Variants in CCDC171 observed in about 807,000 individuals in gnomAD.
CCDC171 encodes the protein coiled-coil domain containing 171.
In CCDC171, 177 loss-of-function variants were observed where a neutral mutation model predicts 168.2. The ratio of observed to expected loss-of-function variants is 1.05; its 90% CI spans 0.93 to 1.19. The LOEUF (loss-of-function observed/expected upper bound fraction) is 1.19. Ranked by LOEUF, CCDC171 falls within the 50% of genes most tolerant of loss-of-function variation. The pLI is 0.00. For missense variants in CCDC171, 1,991 were observed against 1,539.0 expected (o/e 1.29, Z -4.91); for synonymous variants, 687 against 540.8 (o/e 1.27, Z -3.75).
chr9:15,937,519 CATTGTATTTTAG>C (rs1310113211), intron 25 of CCDC171, among the ~76,000 whole-genome samples: 1 of 151,728 alleles, frequency 6.6e-6, no homozygotes, highest in Non-Finnish European at 1.5e-5. Flanking sequence ...GTTCCAATTC[CATTGTATTTTAG>C]ATGTCTAAAA....
At chr9:15,811,770 G>C (rs1001210639) in intron 21 of CCDC171, among the ~76,000 whole-genome samples, 5 of 152,114 alleles carry the variant, frequency 3.3e-5, no homozygotes, top group Non-Finnish European at 7.4e-5. Context: ...TAGTTACTTC[G>C]ATGATGGAGT....
the CCDC171 span, among the ~76,000 whole-genome samples, chr9:16,085,303 A>G: frequency 1.3e-5 from 2 of 152,248 alleles, no homozygotes; most frequent in East Asian, 1.9e-4. Context: ...TCAGAGAAGT[A>G]GAGTCTTACG....
Position 15,748,519 on chromosome 9 carries a change from C to G in CCDC171, c.2671+2888C>G, listed in dbSNP as rs570133455. The stretch of plus-strand genomic sequence containing the variant: ...GATGAGCAACCCCAAGACACATAAT[C>G]GATAGATTCACCAAAGTTGAAATGA... On this transcript the variant is annotated intron_variant, in intron 18 of 25. Coordinates refer to ENST00000380701, the MANE Select transcript of CCDC171 (RefSeq NM_173550.4). 5.3e-5 allele frequency among the ~76,000 whole-genome samples: 8 copies of G among 152,088 alleles called. No individual in the cohort carries two copies. In the South Asian group the frequency reaches 1.5e-3, roughly 28 times the overall value.
At chr9:15,673,567 A>G (rs2049286950) in intron 9 of CCDC171, among the ~76,000 whole-genome samples, 1 of 152,204 alleles carries the variant, frequency 6.6e-6, no homozygotes, top group Non-Finnish European at 1.5e-5. Context: ...AGGGCTATTG[A>G]GTTCTGTCAA....
intron 1 of CCDC171, among the ~76,000 whole-genome samples, chr9:15,558,960 A>G (rs912195453): frequency 6.6e-6 from 1 of 152,150 alleles, no homozygotes; most frequent in Non-Finnish European, 1.5e-5. Context: ...TTCAAAGAAC[A>G]TCTTTATTTC....
chr9:15,670,192 A>G (rs930419142), intron 9 of CCDC171, among the ~76,000 whole-genome samples: 2 of 152,136 alleles, frequency 1.3e-5, no homozygotes, highest in African/African-American at 2.4e-5. Context: ...TGTCCGCCAG[A>G]ATGCTCAACA....
chr9:16,095,875 T>C, the CCDC171 span, among the ~76,000 whole-genome samples: 18,482 of 131,778 alleles, frequency 0.14, 1,372 homozygotes, highest in African/African-American at 0.16. Flanking sequence ...GGCACATATA[T>C]ATATATATAT....
chr9:15,965,476 G>A (rs2132704233), intron 25 of CCDC171, among the ~76,000 whole-genome samples: 1 of 152,324 alleles, frequency 6.6e-6, no homozygotes, highest in African/African-American at 2.4e-5. Context: ...TTAGCAAGCT[G>A]TGCAACCTGT....
intron 24 of CCDC171, chr9:15,888,174 A>G (rs1285968281): frequency 6.6e-6 from 1 of 152,224 alleles, no homozygotes; most frequent in East Asian, 1.9e-4. Flanking sequence ...TTAAAAAAAT[A>G]AGAGAAGGTA....
chr9:15,980,382 C>A (rs1321952383), intron 3 of CCDC171, among the ~76,000 whole-genome samples: 1 of 152,130 alleles, frequency 6.6e-6, no homozygotes, highest in East Asian at 1.9e-4. Flanking sequence ...TAAGGTCCCC[C>A]TAGCCCCAGT....
chr9:15,556,066 C>T (rs1286910650), intron 1 of CCDC171, among the ~76,000 whole-genome samples: 1 of 152,166 alleles, frequency 6.6e-6, no homozygotes, highest in Non-Finnish European at 1.5e-5. Context: ...GCCACATTTT[C>T]TTAATCCAGT....
chr9:15,814,756 C>T lies in CCDC171; in HGVS notation c.3267+30062C>T, dbSNP rs141945201. On this transcript the variant is annotated intron_variant, in intron 21 of 25. Transcript: ENST00000380701. Reference sequence around the variant, plus strand: ...AAGCAGAGTCTTTTTTGTAAAATTACAGATCTACTGATTTATCTTTCTGAA... The same window carrying T: ...AAGCAGAGTCTTTTTTGTAAAATTATAGATCTACTGATTTATCTTTCTGAA... Among the ~76,000 whole-genome samples, 539 of 152,068 alleles carry T rather than the reference C, an allele frequency of 3.5e-3. 1 individual carries two copies. Among genetic ancestry groups the T allele is most frequent in the African/African-American group, 0.012 (488 of 41,522 alleles).
chr9:15,773,409 C>G (rs115224711), intron 18 of CCDC171, among the ~76,000 whole-genome samples: 2 of 152,102 alleles, frequency 1.3e-5, no homozygotes, highest in African/African-American at 2.4e-5. Flanking sequence ...AACTACAGGT[C>G]GAAACAATTC....
the CCDC171 span, among the ~76,000 whole-genome samples, chr9:16,070,817 G>T: frequency 2.9e-4 from 44 of 152,232 alleles, no homozygotes; most frequent in African/African-American, 1.0e-3. Context: ...CTCTCTGACC[G>T]CACTCATTCC....
At chr9:15,969,745 AC>A (rs1831160545) in intron 25 of CCDC171, among the ~76,000 whole-genome samples, 2 of 152,056 alleles carry the variant, frequency 1.3e-5, no homozygotes, top group South Asian at 2.1e-4. Context: ...CATTCCCCTA[AC>A]CCCCAGGCCT....
chr9:15,885,155 C>G (rs183660168), intron 24 of CCDC171, among the ~76,000 whole-genome samples: 37 of 152,260 alleles, frequency 2.4e-4, no homozygotes, highest in East Asian at 5.8e-4. Context: ...CAAATTCCAA[C>G]TCAAGTGGTG....
chr9:15,672,477 G>A (rs955728488), intron 9 of CCDC171, among the ~76,000 whole-genome samples: 1 of 152,040 alleles, frequency 6.6e-6, no homozygotes, highest in Non-Finnish European at 1.5e-5. Context: ...GGGTTTTTAT[G>A]GTTTTAGGTC....
intron 17 of CCDC171, 92 bp downstream of exon 17, chr9:15,744,869 A>T (rs1476111158): frequency 2.6e-6 from 3 of 1,168,330 alleles, no homozygotes; most frequent in Non-Finnish European, 3.5e-6. Flanking sequence ...CTCTTAAAAA[A>T]TCATGTAATA....
Position 15,721,776 on chromosome 9 carries a change from C to T in CCDC171, c.1326C>T (p.His442=). 3 of 1,541,788 alleles carry T rather than the reference C, an allele frequency of 1.9e-6. No individual in the cohort carries two copies. The highest frequency in any genetic ancestry group is 2.6e-6 in the Non-Finnish European group (3 of 1,143,900). The change falls in exon 12 of 26, where the codon CAC becomes CAT. Residue 442 remains histidine, a synonymous_variant. Transcript: ENST00000380701. ...TCCTATATTTTTCTCTAGGCATCCA[C>T]AAGGACAAAGATAAACCTCCCAGCT... The part of the protein sequence containing the change: ...TVSGQWTSGI[H]KDKDKPPSFS...
Sources: gnomAD v4.1 joint callset for allele counts (sites outside exome capture counted in the v4.1 genomes callset) on GRCh38, gnomAD v4.1.1 for gene constraint, MANE v1.5 for transcripts, NCBI Gene and HGNC (gene_info 2026-07-23, HGNC 2026-07-21) for gene names.